CACNA1C: variants seen among roughly 807,000 people sequenced by gnomAD.
CACNA1C encodes the protein voltage-dependent L-type calcium channel subunit alpha-1C.
In CACNA1C, 30 loss-of-function variants were observed where a neutral mutation model predicts 229.0. The ratio of observed to expected loss-of-function variants is 0.13; its 90% confidence interval spans 0.10 to 0.18. The LOEUF is 0.18. CACNA1C is among the 10% of genes least tolerant of loss of function. The probability of loss-of-function intolerance (pLI) is 1.00; values close to 1 mark genes in which losing one functional copy is unlikely to be tolerated. For synonymous variants in CACNA1C, 1,114 were observed against 1,132.5 expected, an observed-to-expected ratio of 0.98 and a Z score of 0.33; for missense variants, 1,658 against 2,845.0, an observed-to-expected ratio of 0.58 and a Z score of 9.49.
At chr12:2,038,182 G>A (rs2049473403) in intron 1 of CACNA1C, among the ~76,000 whole-genome samples, 1 of 152,190 alleles carries the variant, frequency 6.6e-6, no homozygotes, top group South Asian at 2.1e-4. Flanking sequence ...GAAGCTGTTA[G>A]TGACTTAGGA....
intron 3 of CACNA1C, among the ~76,000 whole-genome samples, chr12:2,147,311 G>A (rs73050442): frequency 0.017 from 2,519 of 151,454 alleles, 154 homozygotes; most frequent in Non-Finnish European, 0.024. Context: ...GGTTGATGGT[G>A]GGAATAAACT....
intron 3 of CACNA1C, among the ~76,000 whole-genome samples, chr12:2,267,647 A>G (rs1324551890): frequency 6.6e-6 from 1 of 152,240 alleles, no homozygotes; most frequent in Non-Finnish European, 1.5e-5. Flanking sequence ...AGGTAAAAGA[A>G]CAGAATAATA....
chr12:2,170,387 A>G (rs765062472), intron 3 of CACNA1C, among the ~76,000 whole-genome samples: 26 of 152,196 alleles, frequency 1.7e-4, no homozygotes, highest in Non-Finnish European at 3.7e-4. Flanking sequence ...CAAGAGAGAG[A>G]AGACCTTAAG....
chr12:2,043,696 C>T (rs139374038), intron 1 of CACNA1C, among the ~76,000 whole-genome samples: 3,997 of 140,662 alleles, frequency 0.028, 145 homozygotes, highest in African/African-American at 0.076. Context: ...TCGCCCAGGC[C>T]GGACTGCGGA....
Position 2,516,695 on chromosome 12 carries a change from G to T in CACNA1C, c.1390+3711G>T, listed in dbSNP as rs902911890. On this transcript the variant is annotated intron_variant, in intron 9 of 46. Transcript: ENST00000399655. ...GAGGGGAATTGTCATTTATGGATAT[G>T]GGGAAGTCTGTGAGAGGAACGGGTG... Among the ~76,000 whole-genome samples, 4 of 152,318 alleles carry T rather than the reference G, an allele frequency of 2.6e-5. No individual in the cohort carries two copies. In the East Asian group the frequency reaches 7.7e-4, roughly 29 times the overall value.
intron 1 of CACNA1C, among the ~76,000 whole-genome samples, chr12:2,014,290 C>G (rs1231629087): frequency 1.3e-5 from 2 of 151,114 alleles, no homozygotes; most frequent in African/African-American, 2.4e-5. Context: ...TTTTTTTAAC[C>G]CAAATAAGCC....
At chr12:2,316,780 G>A (rs1267733448) in intron 3 of CACNA1C, among the ~76,000 whole-genome samples, 3 of 152,184 alleles carry the variant, frequency 2.0e-5, no homozygotes, top group South Asian at 2.1e-4. Context: ...GTGACTGTGC[G>A]GGTGTGTCCT....
At chr12:2,690,813 C>G (rs1334094539) in intron 46 of CACNA1C, 87 bp from the exon 47 acceptor site, 3 of 1,316,056 alleles carry the variant, frequency 2.3e-6, no homozygotes, top group South Asian at 1.5e-5. Flanking sequence ...CTACCAGATA[C>G]CCCCTCGCTC....
At position 2,653,509 on chromosome 12, in the gene CACNA1C, G is replaced by A. The variant is rs549857014; in HGVS notation, c.4075-326G>A. Among the ~76,000 whole-genome samples the A allele has an allele frequency of 5.3e-5, 8 of 152,302 alleles. No individual in the cohort carries two copies. In the South Asian group the frequency reaches 1.0e-3, roughly 20 times the overall value. On this transcript the variant is annotated intron_variant, in intron 32 of 46. Transcript: ENST00000399655. The surrounding 1 kb of genome is among the most constrained non-coding windows in gnomAD (Gnocchi z 4.7). ...CAGTCAGCGGGGTGCTGTCCTCCAC[G>A]ATTTCTCCTGCCTCGTACAGACACA...
rs2067469541 is a variant in CACNA1C at position 2,595,083 on chromosome 12, G to C, written c.2664-791G>C. Among the ~76,000 whole-genome samples, 1 of 152,214 alleles carries C rather than the reference G, an allele frequency of 6.6e-6. No individual in the cohort carries two copies. Among genetic ancestry groups the C allele is most frequent in the Non-Finnish European group, 1.5e-5 (1 of 68,034 alleles). ...ACTCTTATAAACCAGAATTGTCTGA[G>C]AGAGTTTGGCCCTTCGAGGGTTTGG... On this transcript the variant is annotated intron_variant, in intron 19 of 46. Transcript: ENST00000399655. The surrounding 1 kb of genome is among the most constrained non-coding windows in gnomAD (Gnocchi z 4.1).
intron 3 of CACNA1C, 130 bp downstream of exon 3, chr12:2,120,560 A>G (rs1292291579): frequency 7.1e-6 from 5 of 704,420 alleles, no homozygotes; most frequent in Admixed American, 4.5e-5. Flanking sequence ...TGCAGAGCTC[A>G]CATCCCGAGT....
chr12:2,144,553 T>C (rs1439597015), intron 3 of CACNA1C, among the ~76,000 whole-genome samples: 1 of 151,374 alleles, frequency 6.6e-6, no homozygotes, highest in East Asian at 1.9e-4. Flanking sequence ...AGGTATTCAG[T>C]ATCTATTTAC....
At chr12:2,290,129 G>C (rs116698755) in intron 3 of CACNA1C, among the ~76,000 whole-genome samples, 2 of 152,150 alleles carry the variant, frequency 1.3e-5, no homozygotes, top group Non-Finnish European at 2.9e-5. Flanking sequence ...AACTGCCCTC[G>C]CTCTGAAGAT....
intron 6 of CACNA1C, among the ~76,000 whole-genome samples, chr12:2,492,382 CTAT>C (rs1259970495): frequency 1.3e-5 from 2 of 152,182 alleles, no homozygotes; most frequent in African/African-American, 2.4e-5. Context: ...AGCACACTCC[CTAT>C]TATTCACTGC....
At chr12:2,258,078 TCATCA>T (rs2078673763) in intron 3 of CACNA1C, among the ~76,000 whole-genome samples, 1 of 152,226 alleles carries the variant, frequency 6.6e-6, no homozygotes, top group South Asian at 2.1e-4. Context: ...GTACTACATC[TCATCA>T]CCTGCTGTGT....
intron 3 of CACNA1C, among the ~76,000 whole-genome samples, chr12:2,137,738 C>G (rs541105274): frequency 6.0e-5 from 9 of 151,106 alleles, no homozygotes; most frequent in Non-Finnish European, 8.9e-5. Context: ...TTTCCTCAGC[C>G]TCCTCTCAAG....
At chr12:2,506,917 A>G (rs2099773153) in intron 8 of CACNA1C, among the ~76,000 whole-genome samples, 1 of 152,194 alleles carries the variant, frequency 6.6e-6, no homozygotes, top group African/African-American at 2.4e-5. Context: ...CTCCCTGAGC[A>G]GAGCGTCTGC....
chr12:2,177,652 C>CTTTCT (rs1158183075), intron 3 of CACNA1C, among the ~76,000 whole-genome samples: 2 of 123,674 alleles, frequency 1.6e-5, no homozygotes, highest in Non-Finnish European at 1.7e-5. Context: ...TTCTTTCTTT[C>CTTTCT]TTTTTCTTTC....
intron 31 of CACNA1C, among the ~76,000 whole-genome samples, chr12:2,650,200 G>A: frequency 6.6e-6 from 1 of 152,330 alleles, no homozygotes; most frequent in East Asian, 1.9e-4. Context: ...TCTCTGGCTT[G>A]CTTCTGGGCA....
Sources: gnomAD v4.1 joint callset for allele counts (sites outside exome capture counted in the v4.1 genomes callset) on GRCh38, gnomAD v4.1.1 for gene constraint, Gnocchi (gnomAD v3.1) non-coding constraint, MANE v1.5 for transcripts, NCBI Gene and HGNC (gene_info 2026-07-23, HGNC 2026-07-21) for gene names.